Variants in FUS observed in about 807,000 individuals in gnomAD.
FUS encodes FUS RNA binding protein.
Under a neutral mutation model 82.7 loss-of-function variants are expected in FUS, and 5 were observed. That is an observed-to-expected ratio of 0.06 (90% CI 0.03 to 0.13). The LOEUF (loss-of-function observed/expected upper bound fraction) is 0.13. Among genes scored for constraint, FUS ranks in the 10% least tolerant of loss-of-function variants. The probability of loss-of-function intolerance (pLI) is 1.00; values close to 1 mark genes in which losing one functional copy is unlikely to be tolerated. For missense variants in FUS, 512 were observed against 707.8 expected, an observed-to-expected ratio of 0.72 and a Z score of 3.14; for synonymous variants, 281 against 247.4, an observed-to-expected ratio of 1.14 and a Z score of -1.27.
At position 31,191,514 on chromosome 16, in the gene FUS, C is replaced by A; in HGVS notation, c.*76C>A. 1.3e-6 allele frequency: 2 copies of A among 1,495,682 alleles called. No homozygotes were observed. Among genetic ancestry groups the A allele is most frequent in the Non-Finnish European group, 1.9e-6 (2 of 1,073,666 alleles). 92.7% of individuals were successfully genotyped at this position (1,495,682 alleles called of 1,614,324 possible). The stretch of plus-strand genomic sequence containing the variant: ...TTACCCTCGTTATTTTGTAACCTTC[C>A]AATTCCTGATCACCCAAGGGTTTTT... On this transcript the variant is annotated 3_prime_UTR_variant, in exon 15 of 15. Coordinates refer to ENST00000254108, the MANE Select transcript of FUS (RefSeq NM_004960.4).
At chr16:31,182,948 T>G in intron 3 of FUS, 1 of 427,680 alleles carries the variant, frequency 2.3e-6, no homozygotes, top group Admixed American at 3.5e-5. Context: ...ACTCCTGACC[T>G]CCTGCCTGCC....
chr16:31,189,045 ATACTAGG>A (rs2079313456), intron 8 of FUS, 71 bp from the exon 9 acceptor site: 12 of 1,046,604 alleles, frequency 1.1e-5, no homozygotes, highest in Non-Finnish European at 1.8e-5. Flanking sequence ...TGCTTGATGG[ATACTAGG>A]TGCTTTAGGT....
chr16:31,187,127 C>A (rs1160225656), intron 7 of FUS: 3 of 515,150 alleles, frequency 5.8e-6, no homozygotes, highest in African/African-American at 1.9e-5. Flanking sequence ...ACTTAGTGAC[C>A]ATCATCATGA....
rs761610757 is a variant in FUS, at chr16:31,189,778, T to A, written c.1050T>A (p.Ala350=). 2.5e-6 allele frequency: 4 copies of A among 1,614,074 alleles called. No individual in the cohort carries two copies. In the Admixed American group the frequency reaches 6.7e-5, roughly 27 times the overall value. ...ATGACCCACCTTCAGCTAAAGCAGC[T>A]ATTGACTGGTTTGATGGTATGTATG... ...SFDDPPSAKA[A]IDWFDGKEFS... Residue 350 remains alanine, a synonymous_variant, in exon 10 of 15, where the codon GCT becomes GCA. Coordinates refer to ENST00000254108, the MANE Select transcript of FUS (RefSeq NM_004960.4).
rs528001562 is a variant in FUS at position 31,189,892 on chromosome 16, C to T, written c.1066+98C>T. 7 of 1,601,610 alleles carry T rather than the reference C, an allele frequency of 4.4e-6. No individual in the cohort carries two copies. In the South Asian group the frequency reaches 5.5e-5, roughly 13 times the overall value. ...TTGAGGGTTCTTTTGAGTCTTCCAA[C>T]ACTTACTTTAGCTGCGGTTTCAGGT... On this transcript the variant is annotated intron_variant, in intron 10 of 14. Coordinates refer to ENST00000254108, the MANE Select transcript of FUS (RefSeq NM_004960.4).
chr16:31,184,873 A>G (rs553372350), intron 5 of FUS, 66 bp from the exon 6 acceptor site: 4 of 1,553,366 alleles, frequency 2.6e-6, no homozygotes, highest in African/African-American at 2.7e-5. Context: ...AACCTTTTCA[A>G]ACCTTTTAGT....
At position 31,184,991 on chromosome 16, in the gene FUS, C is replaced by T. The variant is rs3764325; in HGVS notation, c.576C>T (p.Gly192=). The T allele has an allele frequency of 3.0e-5, 49 of 1,613,352 alleles. No individual in the cohort carries two copies. Among genetic ancestry groups the T allele is most frequent in the Middle Eastern group, 1.6e-4 (1 of 6,080 alleles). Reference sequence around the variant, plus strand: ...TGAGTAGTGGTGGTGGCAGTGGTGGCGGTTATGGCAATCAAGACCAGAGTG... The same window carrying T: ...TGAGTAGTGGTGGTGGCAGTGGTGGTGGTTATGGCAATCAAGACCAGAGTG... The part of the protein sequence containing the change: ...SSMSSGGGSG[G]GYGNQDQSGG... Residue 192 remains glycine, a synonymous_variant, in exon 6 of 15, where the codon GGC becomes GGT. Transcript: ENST00000254108.
At chr16:31,185,873 T>A in intron 6 of FUS, 1 of 266,400 alleles carries the variant, frequency 3.8e-6, no homozygotes, top group Non-Finnish European at 7.5e-6. Flanking sequence ...GAAGTTGATT[T>A]GAAGTAAAAC....
chr16:31,183,955 C>G lies in FUS; in HGVS notation c.288C>G (p.Ser96=), dbSNP rs1285467283. Residue 96 remains serine, a synonymous_variant, in exon 4 of 15, where the codon TCC becomes TCG. Coordinates refer to ENST00000254108, the MANE Select transcript of FUS (RefSeq NM_004960.4). ...SSQSSYGQQS[S]YPGYGQQPAP... ...AATCGTCTTACGGGCAGCAGTCCTC[C>G]TACCCTGGCTATGGCCAGCAGCCAG... 2 of 1,613,946 alleles carry G rather than the reference C, an allele frequency of 1.2e-6. No individual in the cohort carries two copies. The highest frequency in any genetic ancestry group is 4.5e-5 in the East Asian group (2 of 44,882).
At chr16:31,189,935 T>C (rs891370741) in intron 10 of FUS, 105 bp from the exon 11 acceptor site, 22 of 1,563,778 alleles carry the variant, frequency 1.4e-5, no homozygotes, top group Non-Finnish European at 1.8e-5. Context: ...TTTTTGCTTA[T>C]GTGTCAGCAG....
chr16:31,180,304 A>G, intron 1 of FUS, 77 bp downstream of exon 1: 2 of 1,542,314 alleles, frequency 1.3e-6, no homozygotes, highest in Non-Finnish European at 1.8e-6. Context: ...TTTCAGTGGG[A>G]CCGGGGCGGC....
At chr16:31,193,972 T>A, downstream of FUS, 1 of 532,292 alleles carries the variant, frequency 1.9e-6, no homozygotes, top group Non-Finnish European at 3.6e-6. Flanking sequence ...TACTGAATGA[T>A]TGAAATCTGT....
rs574645154 is a variant in FUS at position 31,180,144 on chromosome 16, G to T, written c.-71G>T. On this transcript the variant is annotated 5_prime_UTR_variant, in exon 1 of 15. Transcript: ENST00000254108. ...TCGACGCAGGAGGCGGGGCTGCTCA[G>T]TCCTCCAGGCGTCGGTACTCAGCGG... is the stretch of plus-strand genomic sequence containing the variant. 297 of 1,583,920 alleles carry T rather than the reference G, an allele frequency of 1.9e-4. 4 individuals carry two copies. In the South Asian group the frequency reaches 3.3e-3, roughly 17 times the overall value.
intron 8 of FUS, 197 bp downstream of exon 8, chr16:31,188,554 A>T (rs1174579631): frequency 4.6e-6 from 3 of 649,858 alleles, no homozygotes; most frequent in Middle Eastern, 4.1e-4. Context: ...TGTGGGTTCC[A>T]CCCCCAGTGA....
At chr16:31,193,882 A>T (rs1299640013), downstream of FUS, 2 of 528,030 alleles carry the variant, frequency 3.8e-6, no homozygotes, top group South Asian at 3.1e-5. Flanking sequence ...ACTGGCCTCA[A>T]GTGACCTGCC....
chr16:31,185,267 T>G, intron 6 of FUS, 88 bp downstream of exon 6: 1 of 1,417,526 alleles, frequency 7.1e-7, no homozygotes, highest in Non-Finnish European at 9.5e-7. Context: ...TAGTGCATGG[T>G]TTAGTATTCT....
At chr16:31,194,215 T>TCTAG, downstream of FUS, 1 of 531,718 alleles carries the variant, frequency 1.9e-6, no homozygotes, top group African/African-American at 1.9e-5. Context: ...GGAATTAAGG[T>TCTAG]CTAGGGTCCA....
rs191667191 is a variant in FUS at position 31,182,998 on chromosome 16, A to G, written c.190+334A>G. 409 of 370,860 alleles carry G rather than the reference A, an allele frequency of 1.1e-3. 4 individuals carry two copies. Among genetic ancestry groups the G allele is most frequent in the African/African-American group, 7.9e-3 (380 of 47,896 alleles). 23.0% of individuals were successfully genotyped at this position (370,860 alleles called of 1,614,324 possible). A position where few individuals can be genotyped will look rare whatever the true frequency, so the allele number is the denominator to read the frequency against. ...TGCTGGGATTACAGGCGTCAGCCAC[A>G]ATGCCCTGAATGTTGCTTTTCTTAA... On this transcript the variant is annotated intron_variant, in intron 3 of 14. Transcript: ENST00000254108.
chr16:31,194,379 C>G, downstream of FUS: 1 of 516,844 alleles, frequency 1.9e-6, no homozygotes, highest in South Asian at 1.5e-5. Context: ...ACCTCTGCCT[C>G]CCACCCGCAA....
Sources: gnomAD v4.1 joint callset for allele counts on GRCh38, gnomAD v4.1.1 for gene constraint, MANE v1.5 for transcripts, NCBI Gene and HGNC (gene_info 2026-07-23, HGNC 2026-07-21) for gene names.